Variants in ITPR2 observed in about 807,000 individuals in gnomAD.
ITPR2 encodes inositol 1,4,5-trisphosphate receptor type 2.
Under a neutral mutation model 317.1 loss-of-function variants are expected in ITPR2, and 207 were observed. The ratio of observed to expected loss-of-function variants is 0.65; its 90% CI spans 0.58 to 0.73. ITPR2 has a LOEUF of 0.73. Ranked by LOEUF, ITPR2 falls within the 30% of genes least tolerant of loss-of-function variation. ITPR2 has a pLI of 0.00. For synonymous variants in ITPR2, 1,156 were observed against 1,149.1 expected (o/e 1.01, Z -0.12); for missense variants, 2,613 against 3,284.0 (o/e 0.80, Z 4.99).
chr12:26,492,654 C>A (rs1377400144), intron 39 of ITPR2, among the ~76,000 whole-genome samples: 1 of 152,058 alleles, frequency 6.6e-6, no homozygotes, highest in Non-Finnish European at 1.5e-5. Context: ...ATAGTGGAAT[C>A]TAAAAATGTT....
At chr12:26,370,420 C>A (rs994696316) in intron 55 of ITPR2, among the ~76,000 whole-genome samples, 1 of 152,112 alleles carries the variant, frequency 6.6e-6, no homozygotes, top group African/African-American at 2.4e-5. Context: ...AATTTTTATC[C>A]ACAGCCAGGT....
At chr12:26,795,711 T>C (rs1007099268) in intron 1 of ITPR2, among the ~76,000 whole-genome samples, 3 of 152,122 alleles carry the variant, frequency 2.0e-5, no homozygotes, top group African/African-American at 7.2e-5. Context: ...CATCCAGGCA[T>C]GGTGGTTCAG....
At chr12:26,565,783 G>C (rs1321172220) in intron 34 of ITPR2, among the ~76,000 whole-genome samples, 1 of 147,360 alleles carries the variant, frequency 6.8e-6, no homozygotes, top group Non-Finnish European at 1.5e-5. Flanking sequence ...TCTAGCCTAG[G>C]CAACACAGCA....
chr12:26,644,262 A>C (rs543113352), intron 21 of ITPR2, among the ~76,000 whole-genome samples: 49 of 152,232 alleles, frequency 3.2e-4, no homozygotes, highest in Non-Finnish European at 5.1e-4. Context: ...AGTGGACCCC[A>C]TTACAGCATG....
chr12:26,384,759 C>CT (rs368655826), intron 55 of ITPR2, among the ~76,000 whole-genome samples: 2 of 152,210 alleles, frequency 1.3e-5, no homozygotes, highest in African/African-American at 4.8e-5. Context: ...CTGTTGGACT[C>CT]TGACACTGAA....
intron 47 of ITPR2, among the ~76,000 whole-genome samples, chr12:26,437,171 T>C (rs991740397): frequency 2.0e-5 from 3 of 152,250 alleles, no homozygotes; most frequent in Non-Finnish European, 4.4e-5. Flanking sequence ...TCTACTAGCC[T>C]GCCCTGGGCA....
intron 13 of ITPR2, among the ~76,000 whole-genome samples, chr12:26,675,977 G>A (rs1201820149): frequency 6.6e-6 from 1 of 151,976 alleles, no homozygotes; most frequent in African/African-American, 2.4e-5. Context: ...GGCCAACATG[G>A]TGAAACCCCA....
chr12:26,796,966 G>A (rs1950457057), intron 1 of ITPR2, among the ~76,000 whole-genome samples: 1 of 152,182 alleles, frequency 6.6e-6, no homozygotes, highest in Non-Finnish European at 1.5e-5. Context: ...GAACCAAGGA[G>A]GTGGAGGTTG....
intron 1 of ITPR2, among the ~76,000 whole-genome samples, chr12:26,811,591 G>C (rs1950749167): frequency 6.6e-6 from 1 of 151,786 alleles, no homozygotes; most frequent in African/African-American, 2.4e-5. Context: ...GGAGGGTGAG[G>C]CAGGAGAATG....
rs369680735 is a variant in ITPR2 at position 26,809,714 on chromosome 12, G to A, written c.93-19487C>T. Among the ~76,000 whole-genome samples the A allele has an allele frequency of 3.2e-4, 48 of 152,184 alleles. 1 individual carries two copies. The highest frequency in any genetic ancestry group is 1.0e-3 in the African/African-American group (43 of 41,512). On this transcript the variant is annotated intron_variant, in intron 1 of 56. Coordinates refer to ENST00000381340, the MANE Select transcript of ITPR2 (RefSeq NM_002223.4). ...GGAGTAGTTTAGCAGCTGTTCTTAC[G>A]GCTTGATGGCCTTGCTAATCTGATG...
At chr12:26,640,116 A>C (rs1156503111) in intron 21 of ITPR2, among the ~76,000 whole-genome samples, 3 of 152,194 alleles carry the variant, frequency 2.0e-5, no homozygotes, top group East Asian at 3.9e-4. Flanking sequence ...GTGTATTAAC[A>C]CTTGAAGACA....
chr12:26,602,758 A>G (rs1946031151), intron 26 of ITPR2, 52 bp from the exon 27 acceptor site: 1 of 893,376 alleles, frequency 1.1e-6, no homozygotes, highest in Non-Finnish European at 1.7e-6. Context: ...TTTGTGTTAC[A>G]TTTATTTCTT....
intron 2 of ITPR2, among the ~76,000 whole-genome samples, chr12:26,749,515 T>C (rs1185431988): frequency 6.6e-6 from 1 of 152,172 alleles, no homozygotes; most frequent in East Asian, 1.9e-4. Context: ...AGGAAATAAA[T>C]AACATTGTTT....
chr12:26,787,075 G>C (rs936702465), intron 2 of ITPR2, among the ~76,000 whole-genome samples: 1 of 152,208 alleles, frequency 6.6e-6, no homozygotes, highest in African/African-American at 2.4e-5. Flanking sequence ...GAGCCGTAAA[G>C]ACAAGCTATG....
At chr12:26,702,405 G>A (rs1223974955) in intron 9 of ITPR2, among the ~76,000 whole-genome samples, 2 of 112,554 alleles carry the variant, frequency 1.8e-5, no homozygotes, top group African/African-American at 3.5e-5. Context: ...TTGGGGGCGG[G>A]GGTGGGGGGT....
chr12:26,343,548 T>C (rs1261364045), intron 55 of ITPR2, among the ~76,000 whole-genome samples: 1 of 152,208 alleles, frequency 6.6e-6, no homozygotes, highest in East Asian at 1.9e-4. Context: ...TTTTGTGTTA[T>C]ATATATTTTA....
chr12:26,694,340 C>A (rs544904560), intron 10 of ITPR2, among the ~76,000 whole-genome samples: 20 of 152,296 alleles, frequency 1.3e-4, no homozygotes, highest in African/African-American at 4.6e-4. Context: ...TCCTTAGAAG[C>A]CTGTCCTCCC....
chr12:26,663,592 C>T, intron 15 of ITPR2, 93 bp downstream of exon 15: 1 of 1,170,642 alleles, frequency 8.5e-7, no homozygotes, highest in South Asian at 1.8e-5. Context: ...GTGAAATTTC[C>T]CATTCCTACT....
Position 26,465,107 on chromosome 12 carries a change from G to A in ITPR2, c.6342+10189C>T, listed in dbSNP as rs192337344. ...AAGTGACATTCAGGGAGTGAGCGTCGATTAAGAAGACCAGAGATCCATGGA... is the reference window on the plus strand; with the variant it reads ...AAGTGACATTCAGGGAGTGAGCGTCAATTAAGAAGACCAGAGATCCATGGA... On this transcript the variant is annotated intron_variant, in intron 45 of 56. Coordinates refer to ENST00000381340, the MANE Select transcript of ITPR2 (RefSeq NM_002223.4). Among the ~76,000 whole-genome samples the A allele has an allele frequency of 3.8e-3, 576 of 152,244 alleles. 2 individuals carry two copies. Among genetic ancestry groups the A allele is most frequent in the Non-Finnish European group, 5.1e-3 (344 of 67,992 alleles).
Sources: allele counts gnomAD v4.1 joint callset (sites outside exome capture counted in the v4.1 genomes callset), GRCh38; gene constraint gnomAD v4.1.1; transcripts MANE v1.5; gene names NCBI Gene and HGNC (gene_info 2026-07-23, HGNC 2026-07-21).